SNTG1: variants seen among roughly 807,000 people sequenced by gnomAD.
The protein encoded by SNTG1 is syntrophin gamma 1, also known as gamma-1-syntrophin.
Under a neutral mutation model 74.7 loss-of-function variants are expected in SNTG1, and 39 were observed. The observed-to-expected ratio is 0.52, with a 90% CI of 0.40 to 0.68. SNTG1 has a LOEUF of 0.68. Ranked by LOEUF, SNTG1 falls within the 30% of genes least tolerant of loss-of-function variation. The pLI is 0.00. For missense variants in SNTG1, 685 were observed against 609.5 expected, an observed-to-expected ratio of 1.12 and a Z score of -1.30; for synonymous variants, 254 against 217.1, an observed-to-expected ratio of 1.17 and a Z score of -1.49.
chr8:50,367,794 C>T (rs189878007), intron 2 of SNTG1, among the ~76,000 whole-genome samples: 7 of 152,202 alleles, frequency 4.6e-5, no homozygotes, highest in East Asian at 1.9e-4. Context: ...CACACACACA[C>T]GCACACATGC....
intron 4 of SNTG1, among the ~76,000 whole-genome samples, chr8:50,421,392 C>T (rs2093085049): frequency 6.6e-6 from 1 of 152,136 alleles, no homozygotes; most frequent in Admixed American, 6.5e-5. Flanking sequence ...ATAACTTCCT[C>T]ACATTGCCAT....
At chr8:50,788,544 C>T (rs908666985) in intron 18 of SNTG1, among the ~76,000 whole-genome samples, 2 of 151,876 alleles carry the variant, frequency 1.3e-5, no homozygotes, top group African/African-American at 4.8e-5. Context: ...TGTTTATATT[C>T]TACTTCTCAA....
At chr8:50,560,585 G>A (rs940702743) in intron 12 of SNTG1, among the ~76,000 whole-genome samples, 1 of 152,180 alleles carries the variant, frequency 6.6e-6, no homozygotes, top group African/African-American at 2.4e-5. Flanking sequence ...GGATGGAGCT[G>A]GAAGCTGTTA....
rs141384339 is a variant in SNTG1, at chr8:50,270,434, T to C, written c.-28+97799T>C. ...CAAAATTTAACCAATAACTCTCTTA[T>C]CATCTTGCTGGATCTTCAAAAAAGT... On this transcript the variant is annotated intron_variant, in intron 2 of 18. Transcript: ENST00000642720. Among the ~76,000 whole-genome samples the C allele has an allele frequency of 8.1e-3, 1,239 of 152,330 alleles. 21 individuals carry two copies. Among genetic ancestry groups the C allele is most frequent in the African/African-American group, 0.028 (1,176 of 41,590 alleles).
At chr8:50,672,416 G>T (rs1427641994) in intron 15 of SNTG1, among the ~76,000 whole-genome samples, 2 of 151,996 alleles carry the variant, frequency 1.3e-5, no homozygotes, top group African/African-American at 4.8e-5. Context: ...GGTTAGATTT[G>T]CATTTCTGTA....
chr8:50,066,517 A>G (rs73571382), intron 1 of SNTG1, among the ~76,000 whole-genome samples: 11,444 of 152,198 alleles, frequency 0.075, 1,379 homozygotes, highest in African/African-American at 0.26. Flanking sequence ...AAGTTTAAAA[A>G]TAATTAATTA....
At chr8:50,038,979 A>G (rs980117656) in intron 1 of SNTG1, among the ~76,000 whole-genome samples, 1 of 152,136 alleles carries the variant, frequency 6.6e-6, no homozygotes, top group African/African-American at 2.4e-5. Flanking sequence ...ACCCTGCAGG[A>G]GCCCTTTGGG....
chr8:50,708,277 TA>T (rs2095450833), intron 16 of SNTG1: 1 of 153,708 alleles, frequency 6.5e-6, no homozygotes, highest in Non-Finnish European at 1.4e-5. Context: ...TGTTGATTTT[TA>T]AAGAATTATC....
intron 10 of SNTG1, among the ~76,000 whole-genome samples, chr8:50,536,240 ATAAAT>A (rs1434999829): frequency 6.6e-6 from 1 of 152,238 alleles, no homozygotes; most frequent in Non-Finnish European, 1.5e-5. Flanking sequence ...CAAAAATCTG[ATAAAT>A]TAAAAACACT....
At chr8:50,088,031 G>A (rs907823065) in intron 1 of SNTG1, among the ~76,000 whole-genome samples, 7 of 146,488 alleles carry the variant, frequency 4.8e-5, no homozygotes, top group Admixed American at 1.4e-4. Context: ...AATATGCGGT[G>A]TTTGGTTTTT....
At chr8:49,984,963 T>C (rs1406868665) in intron 1 of SNTG1, among the ~76,000 whole-genome samples, 9 of 152,182 alleles carry the variant, frequency 5.9e-5, no homozygotes, top group Non-Finnish European at 1.2e-4. Flanking sequence ...GCCTTACCAA[T>C]TTCCAGAAGG....
chr8:50,439,700 A>AT (rs150316160), intron 5 of SNTG1, among the ~76,000 whole-genome samples: 11,997 of 134,626 alleles, frequency 0.089, 1,621 homozygotes, highest in African/African-American at 0.3. Context: ...AATAAATGAG[A>AT]TTTTTTTTTG....
intron 1 of SNTG1, among the ~76,000 whole-genome samples, chr8:50,137,543 G>C: frequency 6.6e-6 from 1 of 152,184 alleles, no homozygotes; most frequent in East Asian, 1.9e-4. Context: ...AAATGCGTAC[G>C]TAGATAGTAT....
chr8:50,496,192 G>A (rs2093902646), intron 8 of SNTG1, among the ~76,000 whole-genome samples: 1 of 152,156 alleles, frequency 6.6e-6, no homozygotes, highest in Admixed American at 6.5e-5. Context: ...AGTGGGATGA[G>A]TCCAATATCT....
chr8:50,529,084 T>C (rs1357607087), intron 9 of SNTG1, among the ~76,000 whole-genome samples: 1 of 151,966 alleles, frequency 6.6e-6, no homozygotes, highest in Non-Finnish European at 1.5e-5. Context: ...CAGAGTTTGA[T>C]ATGTTGTATT....
intron 8 of SNTG1, among the ~76,000 whole-genome samples, chr8:50,497,061 A>C (rs577014150): frequency 6.6e-6 from 1 of 152,152 alleles, no homozygotes; most frequent in Non-Finnish European, 1.5e-5. Flanking sequence ...TATTTGTCAA[A>C]GACTTAAAAT....
intron 1 of SNTG1, among the ~76,000 whole-genome samples, chr8:50,137,827 G>C (rs1488202540): frequency 6.6e-6 from 1 of 152,088 alleles, no homozygotes; most frequent in Non-Finnish European, 1.5e-5. Context: ...GCTTGGAGGC[G>C]ACTGTCCAGA....
intron 1 of SNTG1, among the ~76,000 whole-genome samples, chr8:50,021,953 A>T (rs946916488): frequency 2.1e-5 from 3 of 144,820 alleles, no homozygotes; most frequent in Non-Finnish European, 4.6e-5. Flanking sequence ...AAAAAATAAA[A>T]ATAAAAATAA....
chr8:50,047,953 A>G (rs1008869422), intron 1 of SNTG1, among the ~76,000 whole-genome samples: 12 of 152,276 alleles, frequency 7.9e-5, no homozygotes, highest in Non-Finnish European at 1.5e-4. Flanking sequence ...AAAATTCGAT[A>G]ATCATACTAA....
Sources: gnomAD v4.1 joint callset for allele counts (sites outside exome capture counted in the v4.1 genomes callset) on GRCh38, gnomAD v4.1.1 for gene constraint, MANE v1.5 for transcripts, NCBI Gene and HGNC (gene_info 2026-07-23, HGNC 2026-07-21) for gene names.